The following AP2A2 variants were observed in gnomAD, a reference collection of about 807,000 sequenced individuals.
AP2A2 encodes the protein adaptor related protein complex 2 subunit alpha 2.
AP2A2 carries 32 observed loss-of-function variants against 104.2 expected under a neutral mutation model. The observed-to-expected ratio is 0.31, with a 90% CI of 0.23 to 0.41. AP2A2 has a LOEUF of 0.41. AP2A2 is among the 10% of genes least tolerant of loss of function. The probability of loss-of-function intolerance (pLI) is 1.00; values close to 1 mark genes in which losing one functional copy is unlikely to be tolerated. For synonymous variants in AP2A2, 539 were observed against 533.3 expected (o/e 1.01, Z -0.15); for missense variants, 912 against 1,261.0 (o/e 0.72, Z 4.19).
rs576006488 is a variant in AP2A2, at chr11:933,530, G to C, written c.67+7442G>C. The C allele has an allele frequency of 1.5e-4, 69 of 456,262 alleles. 1 individual carries two copies. The highest frequency in any genetic ancestry group is 1.3e-3 in the African/African-American group (66 of 50,164). The allele number at this position is 456,262 out of a possible 1,614,324, so 28.3% of individuals were successfully genotyped here. ...TAGAAGTGGGGGCTGAAGCTGTGTG[G>C]TAAGATGAGCTCTGTGCTTGGGACA... On this transcript the variant is annotated intron_variant, in intron 1 of 21. Coordinates refer to ENST00000448903, the MANE Select transcript of AP2A2 (RefSeq NM_012305.4).
intron 14 of AP2A2, 131 bp from the exon 15 acceptor site, chr11:1,000,301 A>C: frequency 1.2e-6 from 1 of 848,134 alleles, no homozygotes; most frequent in South Asian, 1.6e-5. Context: ...GTTGTGTGCC[A>C]CCTGCCCCAG....
intron 1 of AP2A2, among the ~76,000 whole-genome samples, chr11:935,590 C>T (rs1456171153): frequency 8.2e-6 from 1 of 121,678 alleles, no homozygotes; most frequent in Non-Finnish European, 1.7e-5. Context: ...GTGTGAGCCA[C>T]TGTGCCCGGC....
chr11:971,470 C>T (rs1406030459), intron 3 of AP2A2, among the ~76,000 whole-genome samples: 1 of 151,988 alleles, frequency 6.6e-6, no homozygotes, highest in African/African-American at 2.4e-5. Flanking sequence ...CCGGGGTGCT[C>T]AGTGATGGGC....
At chr11:942,118 G>T (rs1853670818) in intron 1 of AP2A2, among the ~76,000 whole-genome samples, 1 of 152,058 alleles carries the variant, frequency 6.6e-6, no homozygotes, top group Admixed American at 6.6e-5. Flanking sequence ...AGTAGAGAGG[G>T]GGGTTTCACC....
In AP2A2 at chr11:1,010,455, G is replaced by C. The variant is rs1856387975; in HGVS notation, c.2743-93G>C. On this transcript the variant is annotated intron_variant, in intron 21 of 21. Transcript: ENST00000448903. ...GGTGCCTCCAGAGAGTGGTCCCTGGGCATGGCCCACAGGGTTCTGCATGGC... is the reference window on the plus strand; with the variant it reads ...GGTGCCTCCAGAGAGTGGTCCCTGGCCATGGCCCACAGGGTTCTGCATGGC... 5.9e-6 allele frequency: 6 copies of C among 1,019,152 alleles called. No individual in the cohort carries two copies. The Admixed American group carries it at 8.3e-5, about 14-fold the overall frequency. The allele number at this position is 1,019,152 out of a possible 1,614,324, so 63.1% of individuals were successfully genotyped here.
intron 7 of AP2A2, 114 bp downstream of exon 7, chr11:984,867 G>C (rs1413747490): frequency 1.1e-6 from 1 of 915,224 alleles, no homozygotes; most frequent in African/African-American, 1.6e-5. Context: ...CCTGTCTCTT[G>C]ATTCATGGAC....
chr11:954,730 T>C (rs2134543061), intron 1 of AP2A2, among the ~76,000 whole-genome samples: 1 of 151,886 alleles, frequency 6.6e-6, no homozygotes, highest in South Asian at 2.1e-4. Flanking sequence ...TTGGTGTGTG[T>C]GTGTGTGTAT....
In AP2A2 at chr11:985,945, T is replaced by C. The variant is rs569505312; in HGVS notation, c.962+363T>C. ...TTGCTGGATGTGGAGCCGCACTTGG[T>C]GGGTCCAGGGTCGCAGGGCAGTGCT... On this transcript the variant is annotated intron_variant, in intron 8 of 21. Coordinates refer to ENST00000448903, the MANE Select transcript of AP2A2 (RefSeq NM_012305.4). Among the ~76,000 whole-genome samples the C allele has an allele frequency of 4.5e-3, 689 of 152,208 alleles. 6 individuals are homozygous for C. Among genetic ancestry groups the C allele is most frequent in the African/African-American group, 0.015 (605 of 41,536 alleles).
chr11:931,869 T>C (rs1164787733), intron 1 of AP2A2, among the ~76,000 whole-genome samples: 1 of 150,216 alleles, frequency 6.7e-6, no homozygotes, highest in Non-Finnish European at 1.5e-5. Context: ...AGCGGTGTGA[T>C]CTCGGCTCAC....
intron 2 of AP2A2, among the ~76,000 whole-genome samples, chr11:963,340 C>T (rs944549564): frequency 3.9e-5 from 6 of 151,950 alleles, no homozygotes; most frequent in South Asian, 2.1e-4. Flanking sequence ...GCAGGAGAAT[C>T]GCTTGAACCT....
chr11:981,647 A>G (rs530030654), intron 6 of AP2A2, among the ~76,000 whole-genome samples: 22 of 152,384 alleles, frequency 1.4e-4, no homozygotes, highest in Middle Eastern at 6.8e-3. Flanking sequence ...TTTGATGCAG[A>G]TGGACCTGCA....
intron 7 of AP2A2, 87 bp from the exon 8 acceptor site, chr11:985,348 C>G: frequency 6.7e-7 from 1 of 1,484,344 alleles, no homozygotes; most frequent in Non-Finnish European, 9.1e-7. Flanking sequence ...TAAAAATGCT[C>G]TCATGATGTA....
intron 4 of AP2A2, among the ~76,000 whole-genome samples, chr11:973,216 C>T (rs1019310651): frequency 5.9e-5 from 9 of 152,166 alleles, no homozygotes; most frequent in East Asian, 3.9e-4. Flanking sequence ...AGGCCTAGAC[C>T]GGCGTCTCAA....
intron 18 of AP2A2, chr11:1,008,541 A>G: frequency 4.7e-6 from 1 of 211,238 alleles, no homozygotes; most frequent in South Asian, 1.1e-4. Context: ...TTGAGCTCAG[A>G]TCGTACCACT....
chr11:1,011,404 G>T lies in AP2A2; in HGVS notation c.*779G>T. The T allele has an allele frequency of 1.9e-6, 1 of 512,832 alleles. No homozygotes were observed. Among genetic ancestry groups the T allele is most frequent in the Non-Finnish European group, 3.9e-6 (1 of 256,884 alleles). 31.8% of individuals were successfully genotyped at this position (512,832 alleles called of 1,614,324 possible). On this transcript the variant is annotated 3_prime_UTR_variant, in exon 22 of 22. Coordinates refer to ENST00000448903, the MANE Select transcript of AP2A2 (RefSeq NM_012305.4). ...TCAGAGGTGTGCTCGTCTCTTTCCT[G>T]TCAGAGTGGGCGTCCCCAGGCCACG...
intron 1 of AP2A2, among the ~76,000 whole-genome samples, chr11:927,354 G>A (rs934276455): frequency 6.6e-6 from 1 of 151,946 alleles, no homozygotes; most frequent in Non-Finnish European, 1.5e-5. Context: ...CGTGAGCCAC[G>A]GCACCCTCAT....
chr11:988,486 T>C, intron 9 of AP2A2, 66 bp from the exon 10 acceptor site: 1 of 1,576,574 alleles, frequency 6.3e-7, no homozygotes, highest in South Asian at 1.1e-5. Context: ...GCCGAGCCTG[T>C]CCCCAGCCTG....
intron 9 of AP2A2, 73 bp from the exon 10 acceptor site, chr11:988,479 G>C (rs1042874291): frequency 6.4e-7 from 1 of 1,560,752 alleles, no homozygotes; most frequent in Non-Finnish European, 8.7e-7. Context: ...TGCGGGTGCC[G>C]AGCCTGTCCC....
At position 968,810 on chromosome 11, in the gene AP2A2, C is replaced by G. The variant is rs534101161; in HGVS notation, c.137-1359C>G. ...GGGCCGGGGGAGGGAGGAACCAGGT[C>G]GGGTCTGCTTTTATTTATATCATCT... On this transcript the variant is annotated intron_variant, in intron 2 of 21. Transcript: ENST00000448903. The surrounding 1 kb of genome is among the most constrained non-coding windows in gnomAD (Gnocchi z 4.2). Among the ~76,000 whole-genome samples, 1 of 152,068 alleles carries G rather than the reference C, an allele frequency of 6.6e-6. No individual in the cohort carries two copies. Among genetic ancestry groups the G allele is most frequent in the African/African-American group, 2.4e-5 (1 of 41,400 alleles).
Sources: gnomAD v4.1 joint callset for allele counts (sites outside exome capture counted in the v4.1 genomes callset) on GRCh38, gnomAD v4.1.1 for gene constraint, Gnocchi (gnomAD v3.1) non-coding constraint, MANE v1.5 for transcripts, NCBI Gene and HGNC (gene_info 2026-07-23, HGNC 2026-07-21) for gene names.